MALRD1: variants seen among roughly 807,000 people sequenced by gnomAD.
MALRD1 encodes the protein MAM and LDL-receptor class A domain-containing protein 1.
Under a neutral mutation model 242.1 loss-of-function variants are expected in MALRD1, and 247 were observed. The ratio of observed to expected loss-of-function variants is 1.02; its 90% CI spans 0.92 to 1.13. The LOEUF is 1.13. Among genes scored for constraint, MALRD1 ranks in the 50% most tolerant of loss-of-function variants. The pLI is 0.00. For synonymous variants in MALRD1, 995 were observed against 866.6 expected (o/e 1.15, Z -2.60); for missense variants, 2,989 against 2,533.1 (o/e 1.18, Z -3.86).
At chr10:19,119,914 G>T (rs1837001541) in intron 5 of MALRD1, among the ~76,000 whole-genome samples, 1 of 151,306 alleles carries the variant, frequency 6.6e-6, no homozygotes. Flanking sequence ...GATTAAATTA[G>T]ATCTCTTTCA....
chr10:19,607,042 G>A (rs1202203283), intron 34 of MALRD1, among the ~76,000 whole-genome samples: 1 of 152,138 alleles, frequency 6.6e-6, no homozygotes, highest in African/African-American at 2.4e-5. Flanking sequence ...CCATTGAACA[G>A]GCATCAGTGC....
At chr10:19,147,059 G>A (rs1833750208) in intron 11 of MALRD1, among the ~76,000 whole-genome samples, 1 of 152,064 alleles carries the variant, frequency 6.6e-6, no homozygotes, top group Non-Finnish European at 1.5e-5. Flanking sequence ...GTCTCGCCAT[G>A]TTGCCCAGGT....
intron 26 of MALRD1, among the ~76,000 whole-genome samples, chr10:19,371,342 A>T (rs1845366687): frequency 6.6e-6 from 1 of 152,226 alleles, no homozygotes; most frequent in East Asian, 1.9e-4. Context: ...TTAGCTGTAC[A>T]TTTTTTATGT....
intron 28 of MALRD1, among the ~76,000 whole-genome samples, chr10:19,415,227 A>G (rs976950311): frequency 1.3e-5 from 2 of 152,204 alleles, no homozygotes; most frequent in African/African-American, 2.4e-5. Flanking sequence ...ACTAGAGCAT[A>G]CTAATAAAAC....
At chr10:19,485,923 A>G (rs1333608095) in intron 29 of MALRD1, among the ~76,000 whole-genome samples, 1 of 152,042 alleles carries the variant, frequency 6.6e-6, no homozygotes, top group Non-Finnish European at 1.5e-5. Context: ...AGTTTTCATT[A>G]TATTTTATAG....
intron 31 of MALRD1, among the ~76,000 whole-genome samples, chr10:19,509,926 C>CAG (rs1833316879): frequency 6.8e-6 from 1 of 148,104 alleles, no homozygotes; most frequent in East Asian, 2.0e-4. Context: ...GCCCAGGGGA[C>CAG]CGGCGCTCAG....
chr10:19,335,093 A>C (rs2130934159), intron 24 of MALRD1, among the ~76,000 whole-genome samples: 1 of 152,054 alleles, frequency 6.6e-6, no homozygotes, highest in Non-Finnish European at 1.5e-5. Context: ...TTTATTTCAA[A>C]CCTAAAGGCA....
chr10:19,301,676 C>G (rs1841955803), intron 21 of MALRD1, among the ~76,000 whole-genome samples: 1 of 151,630 alleles, frequency 6.6e-6, no homozygotes, highest in South Asian at 2.1e-4. Flanking sequence ...TACACATGGA[C>G]ACAAAGAAGG....
intron 21 of MALRD1, among the ~76,000 whole-genome samples, chr10:19,289,365 G>C (rs1447478796): frequency 6.6e-6 from 1 of 152,292 alleles, no homozygotes; most frequent in African/African-American, 2.4e-5. Flanking sequence ...TTATTTTCAA[G>C]TGTCTGGTGC....
intron 36 of MALRD1, among the ~76,000 whole-genome samples, chr10:19,647,534 G>C (rs544465431): frequency 6.6e-6 from 1 of 152,214 alleles, no homozygotes; most frequent in Non-Finnish European, 1.5e-5. Flanking sequence ...GAACATACTT[G>C]GATCTGAAAG....
At chr10:19,723,210 A>G (rs1756714179) in intron 38 of MALRD1, among the ~76,000 whole-genome samples, 1 of 152,152 alleles carries the variant, frequency 6.6e-6, no homozygotes, top group African/African-American at 2.4e-5. Context: ...CACACACGAA[A>G]TACAGGGAAA....
intron 36 of MALRD1, among the ~76,000 whole-genome samples, chr10:19,684,007 T>G (rs1842476368): frequency 6.6e-6 from 1 of 152,278 alleles, no homozygotes; most frequent in African/African-American, 2.4e-5. Context: ...CAGCTCCCAC[T>G]TATGAGTGAG....
chr10:19,251,763 A>G (rs546371324), intron 18 of MALRD1, among the ~76,000 whole-genome samples: 1 of 152,066 alleles, frequency 6.6e-6, no homozygotes, highest in East Asian at 1.9e-4. Flanking sequence ...CCCCACTTAA[A>G]TCTCTTGTTG....
chr10:19,663,975 G>A (rs1020426038), intron 36 of MALRD1, among the ~76,000 whole-genome samples: 9 of 151,918 alleles, frequency 5.9e-5, no homozygotes, highest in Non-Finnish European at 5.9e-5. Flanking sequence ...TGCCAGGCAG[G>A]GACATACAAG....
chr10:19,149,891 A>G (rs1833879090), intron 11 of MALRD1, among the ~76,000 whole-genome samples: 1 of 152,148 alleles, frequency 6.6e-6, no homozygotes, highest in Admixed American at 6.5e-5. Flanking sequence ...TTCTAGCCCT[A>G]GTGTATGCCT....
At chr10:19,260,376 C>T (rs570688088) in intron 19 of MALRD1, among the ~76,000 whole-genome samples, 19 of 152,266 alleles carry the variant, frequency 1.2e-4, no homozygotes, top group South Asian at 1.0e-3. Context: ...GGTCCTATCT[C>T]TCTGAGACCA....
chr10:19,560,787 G>C (rs949545659), intron 32 of MALRD1, among the ~76,000 whole-genome samples: 1 of 151,870 alleles, frequency 6.6e-6, no homozygotes, highest in Non-Finnish European at 1.5e-5. Context: ...ACAGGGAGTG[G>C]AACATCACAC....
rs1490467067 is a variant in MALRD1, at chr10:19,324,019, C to G, written c.3490C>G (p.Leu1164Val). ...NGKFGDTADILTPIISLTGPK... is the reference protein window; with the variant it reads ...NGKFGDTADIVTPIISLTGPK... ...GAAATTTGGTGACACGGCTGACATT[C>G]TCACTCCTATCATTTCACTCACGGG... Residue 1164 changes from leucine to valine, a missense_variant, in exon 22 of 40, where the codon CTC (leucine) becomes GTC (valine). Leu to Val is a conservative substitution (Grantham distance 32). Transcript: ENST00000454679. 6 of 1,550,824 alleles carry G rather than the reference C, an allele frequency of 3.9e-6. No homozygotes were observed. The South Asian group carries it at 7.1e-5, about 18-fold the overall frequency.
intron 19 of MALRD1, among the ~76,000 whole-genome samples, chr10:19,270,782 A>G (rs1840190863): frequency 6.7e-6 from 1 of 149,940 alleles, no homozygotes; most frequent in Non-Finnish European, 1.5e-5. Context: ...TTCAGGAAAG[A>G]GGGTTAAGAT....
Sources: gnomAD v4.1 joint callset for allele counts (sites outside exome capture counted in the v4.1 genomes callset) on GRCh38, gnomAD v4.1.1 for gene constraint, MANE v1.5 for transcripts, NCBI Gene and HGNC (gene_info 2026-07-23, HGNC 2026-07-21) for gene names.